Variants in ARHGAP26 observed in about 807,000 individuals in gnomAD.
ARHGAP26 encodes Rho GTPase activating protein 26, also known as rho GTPase-activating protein 26.
ARHGAP26 carries 38 observed loss-of-function variants against 104.8 expected under a neutral mutation model. The observed-to-expected ratio is 0.36, with a 90% CI of 0.28 to 0.48. The LOEUF is 0.48. Among genes scored for constraint, ARHGAP26 ranks in the 20% least tolerant of loss-of-function variants. The pLI, the probability that ARHGAP26 is intolerant of heterozygous loss-of-function variation, is 0.99. For synonymous variants in ARHGAP26, 341 were observed against 340.0 expected (o/e 1.00, Z -0.03); for missense variants, 704 against 947.9 (o/e 0.74, Z 3.38).
chr5:142,923,811 G>T (rs1384446525), intron 10 of ARHGAP26, among the ~76,000 whole-genome samples: 2 of 150,374 alleles, frequency 1.3e-5, no homozygotes, highest in East Asian at 2.0e-4. Context: ...TACTAAGGTT[G>T]CAGGCTTTAA....
In ARHGAP26 at chr5:143,147,333, C is replaced by G; in HGVS notation, c.1940C>G (p.Ser647Cys). The change falls in exon 20 of 23, where the codon TCC becomes TGC. Residue 647 changes from serine (S) to cysteine (C), a missense_variant. By Grantham distance (112) the Ser-to-Cys change is moderately radical. This residue lies in a region of ARHGAP26 where 217 missense variants were observed against 242.6 expected (regional missense o/e 0.89). Transcript: ENST00000645722. Reference protein sequence around the residue: ...SSSSLQPNMNSSDPDLAVVKP... With the variant: ...SSSSLQPNMNCSDPDLAVVKP... ...AGCAGCTTACAGCCCAACATGAACT[C>G]CAGTGACCCAGACCTGGCTGTGGTC... 2 of 1,614,050 alleles carry G rather than the reference C, an allele frequency of 1.2e-6. No individual in the cohort carries two copies. Among genetic ancestry groups the G allele is most frequent in the Non-Finnish European group, 8.5e-7 (1 of 1,179,966 alleles).
At chr5:143,161,304 A>T (rs1801214515) in intron 20 of ARHGAP26, among the ~76,000 whole-genome samples, 1 of 151,992 alleles carries the variant, frequency 6.6e-6, no homozygotes, top group South Asian at 2.1e-4. Context: ...GAGCCACTGC[A>T]CCCGGCCTCA....
intron 17 of ARHGAP26, among the ~76,000 whole-genome samples, chr5:143,102,174 C>T (rs2150625532): frequency 6.6e-6 from 1 of 152,264 alleles, no homozygotes; most frequent in East Asian, 1.9e-4. Context: ...ACAGAGAACC[C>T]GTACAGTGCG....
At chr5:143,177,829 T>C (rs1303744384) in intron 20 of ARHGAP26, among the ~76,000 whole-genome samples, 3 of 152,066 alleles carry the variant, frequency 2.0e-5, no homozygotes, top group Non-Finnish European at 2.9e-5. Flanking sequence ...TGTTCACTAT[T>C]GTTTCCCCAG....
chr5:142,964,086 T>C (rs1770853820), intron 11 of ARHGAP26, among the ~76,000 whole-genome samples: 1 of 152,194 alleles, frequency 6.6e-6, no homozygotes, highest in Non-Finnish European at 1.5e-5. Flanking sequence ...TTGTTTTGAC[T>C]GACAGAACTG....
Position 142,946,515 on chromosome 5 carries a change from A to G in ARHGAP26, c.1107+14390A>G, listed in dbSNP as rs569009404. 1.6e-4 allele frequency: 25 copies of G among 152,328 alleles called. 1 individual carries two copies. In the South Asian group the frequency reaches 5.2e-3, roughly 32 times the overall value. The allele number at this position is 152,328 out of a possible 1,614,324, so 9.4% of individuals were successfully genotyped here. A position where few individuals can be genotyped will look rare whatever the true frequency, so the allele number is the denominator to read the frequency against. The stretch of plus-strand genomic sequence containing the variant: ...ATAAGAGTGAGACTTTGTTCATTTG[A>G]AGAATGATGGAGCTGGCTTTTCTGT... On this transcript the variant is annotated intron_variant, in intron 11 of 22. Transcript: ENST00000645722.
intron 17 of ARHGAP26, among the ~76,000 whole-genome samples, chr5:143,083,839 C>T (rs908278765): frequency 6.6e-6 from 1 of 152,152 alleles, no homozygotes; most frequent in South Asian, 2.1e-4. Context: ...TATCTTTCTC[C>T]CATCTTATAT....
At chr5:143,188,231 C>A (rs1323453807) in intron 20 of ARHGAP26, among the ~76,000 whole-genome samples, 1 of 152,202 alleles carries the variant, frequency 6.6e-6, no homozygotes, top group South Asian at 2.1e-4. Flanking sequence ...GGCATTCACA[C>A]TTCCCAGTCA....
At chr5:143,172,779 T>C (rs886488558) in intron 20 of ARHGAP26, among the ~76,000 whole-genome samples, 1 of 152,198 alleles carries the variant, frequency 6.6e-6, no homozygotes, top group Non-Finnish European at 1.5e-5. Context: ...GGATCCCTCT[T>C]AGAGGATCCC....
intron 12 of ARHGAP26, among the ~76,000 whole-genome samples, chr5:143,036,401 T>A (rs1371404637): frequency 7.9e-5 from 12 of 152,174 alleles, no homozygotes; most frequent in Admixed American, 7.9e-4. Flanking sequence ...CTGCTGTTGA[T>A]CATTTATTTT....
intron 11 of ARHGAP26, among the ~76,000 whole-genome samples, chr5:142,984,869 T>C (rs2152738943): frequency 6.6e-6 from 1 of 152,296 alleles, no homozygotes; most frequent in East Asian, 1.9e-4. Context: ...AGTTTATGTA[T>C]TTACTACAGT....
chr5:143,168,011 G>C (rs752644011), intron 20 of ARHGAP26, among the ~76,000 whole-genome samples: 1 of 152,190 alleles, frequency 6.6e-6, no homozygotes, highest in African/African-American at 2.4e-5. Flanking sequence ...AGGATAAAGT[G>C]CTGCTGGAAT....
At chr5:142,897,603 G>C (rs1056025898) in intron 6 of ARHGAP26, among the ~76,000 whole-genome samples, 1 of 152,204 alleles carries the variant, frequency 6.6e-6, no homozygotes. Context: ...TGATTCAGCT[G>C]CACATTTCAG....
intron 20 of ARHGAP26, 30 bp from the exon 21 acceptor site, chr5:143,207,168 G>C: frequency 6.2e-7 from 1 of 1,604,484 alleles, no homozygotes; most frequent in Non-Finnish European, 8.5e-7. Context: ...CCTGTGTGCT[G>C]ACAAGTTTTC....
At chr5:143,059,955 G>A (rs565829424) in intron 17 of ARHGAP26, among the ~76,000 whole-genome samples, 2 of 152,296 alleles carry the variant, frequency 1.3e-5, no homozygotes, top group East Asian at 1.9e-4. Flanking sequence ...GGATATGAAT[G>A]AGCAGTGTTG....
intron 11 of ARHGAP26, among the ~76,000 whole-genome samples, chr5:142,954,315 A>G (rs1768860123): frequency 6.6e-6 from 1 of 152,210 alleles, no homozygotes; most frequent in Non-Finnish European, 1.5e-5. Flanking sequence ...CCGTGGTCAG[A>G]ATTTTATCTG....
Position 142,800,141 on chromosome 5 carries a change from TA to T in ARHGAP26, c.154+29232del, listed in dbSNP as rs1490798008. Among the ~76,000 whole-genome samples the T allele has an allele frequency of 5.3e-5, 8 of 152,344 alleles. No individual in the cohort carries two copies. In the South Asian group the frequency reaches 1.7e-3, roughly 32 times the overall value. On this transcript the variant is annotated intron_variant, in intron 1 of 22. Transcript: ENST00000645722. ...GAAATACCTGCGTAATAAGTAACTA[TA>T]AAAAATCCAGACTAAGTTTCTAATG... is the stretch of plus-strand genomic sequence containing the variant.
intron 9 of ARHGAP26, among the ~76,000 whole-genome samples, chr5:142,908,251 T>G (rs1761383189): frequency 6.6e-6 from 1 of 152,298 alleles, no homozygotes; most frequent in African/African-American, 2.4e-5. Context: ...AGCAATCATT[T>G]TAGTATTTCT....
Position 143,135,102 on chromosome 5 carries a change from G to C in ARHGAP26, c.1837+997G>C, listed in dbSNP as rs1420883417. 3.3e-5 allele frequency among the ~76,000 whole-genome samples: 5 copies of C among 152,240 alleles called. No individual in the cohort carries two copies. In the South Asian group the frequency reaches 8.3e-4, roughly 25 times the overall value. ...ACAAATGTGAGTCAGCATCACAGCT[G>C]CTTCATTAGAGATATACACATTGAG... On this transcript the variant is annotated intron_variant, in intron 19 of 22. Transcript: ENST00000645722.
Sources: allele counts gnomAD v4.1 joint callset (sites outside exome capture counted in the v4.1 genomes callset), GRCh38; gene constraint gnomAD v4.1.1; regional missense constraint gnomAD v4.1.1; transcripts MANE v1.5; gene names NCBI Gene and HGNC (gene_info 2026-07-23, HGNC 2026-07-21).